Variants in DLG2 observed in about 807,000 individuals in gnomAD.
The protein encoded by DLG2 is disks large homolog 2.
DLG2 carries 45 observed loss-of-function variants against 132.5 expected under a neutral mutation model. The ratio of observed to expected loss-of-function variants is 0.34; its 90% CI spans 0.27 to 0.44. The LOEUF (loss-of-function observed/expected upper bound fraction) is 0.44, where lower values mean the gene tolerates loss of function less well. Among genes scored for constraint, DLG2 ranks in the 20% least tolerant of loss-of-function variants. The probability of loss-of-function intolerance (pLI) is 1.00; values close to 1 mark genes in which losing one functional copy is unlikely to be tolerated. For missense variants in DLG2, 1,045 were observed against 1,196.9 expected (o/e 0.87, Z 1.87); for synonymous variants, 424 against 419.6 (o/e 1.01, Z -0.13).
intron 19 of DLG2, among the ~76,000 whole-genome samples, chr11:83,546,309 T>C (rs1592898574): frequency 1.3e-5 from 2 of 152,176 alleles, no homozygotes; most frequent in African/African-American, 4.8e-5. Flanking sequence ...ATGGGTTATA[T>C]GCCAGGCTTC....
intron 7 of DLG2, among the ~76,000 whole-genome samples, chr11:84,527,893 T>TTCTCTC (rs60170305): frequency 0.052 from 6,573 of 125,590 alleles, 509 homozygotes; most frequent in East Asian, 0.086. Context: ...CTCCCTCCCT[T>TTCTCTC]TCTCTCTCTC....
At chr11:85,556,066 C>G (rs2076927990) in intron 3 of DLG2, among the ~76,000 whole-genome samples, 1 of 151,334 alleles carries the variant, frequency 6.6e-6, no homozygotes, top group Non-Finnish European at 1.5e-5. Context: ...CTTCACTGAG[C>G]ATGGAAGGGA....
chr11:83,677,703 C>T (rs571918155), intron 18 of DLG2, among the ~76,000 whole-genome samples: 19 of 152,246 alleles, frequency 1.2e-4, no homozygotes, highest in African/African-American at 4.6e-4. Context: ...CAAAATCCCC[C>T]AAACCTCAAA....
intron 17 of DLG2, among the ~76,000 whole-genome samples, chr11:83,820,731 C>T (rs1052013630): frequency 2.6e-5 from 4 of 152,200 alleles, no homozygotes; most frequent in Admixed American, 2.0e-4. Flanking sequence ...AAGTGAGCCC[C>T]GACATTTGAA....
chr11:84,934,972 T>C (rs1187182840), intron 6 of DLG2, among the ~76,000 whole-genome samples: 1 of 152,178 alleles, frequency 6.6e-6, no homozygotes, highest in Non-Finnish European at 1.5e-5. Context: ...GAATTCATTA[T>C]TGCCAAAACT....
At chr11:85,274,897 C>T (rs2077789492) in intron 4 of DLG2, among the ~76,000 whole-genome samples, 1 of 152,148 alleles carries the variant, frequency 6.6e-6, no homozygotes, top group African/African-American at 2.4e-5. Flanking sequence ...TAGGTTTCCC[C>T]TCTCAGTTTA....
intron 4 of DLG2, among the ~76,000 whole-genome samples, chr11:85,265,127 C>G (rs2077139731): frequency 6.6e-6 from 1 of 152,166 alleles, no homozygotes; most frequent in Admixed American, 6.5e-5. Flanking sequence ...TCTTAAGATG[C>G]CTTCTCTGAG....
chr11:84,350,500 A>T (rs11822426), intron 7 of DLG2, among the ~76,000 whole-genome samples: 1,744 of 152,254 alleles, frequency 0.011, 30 homozygotes, highest in African/African-American at 0.039. Flanking sequence ...CTGACCACAG[A>T]TGTTCCTTCA....
chr11:84,331,347 G>A (rs1418891436), intron 7 of DLG2, among the ~76,000 whole-genome samples: 1 of 151,308 alleles, frequency 6.6e-6, no homozygotes. Flanking sequence ...ATTGCTCAAG[G>A]TCATGCAGCT....
At chr11:85,233,015 T>G (rs2075383121) in intron 4 of DLG2, among the ~76,000 whole-genome samples, 1 of 151,952 alleles carries the variant, frequency 6.6e-6, no homozygotes, top group South Asian at 2.1e-4. Context: ...CCATGCGTTA[T>G]GTTTAATTCT....
At chr11:84,800,097 G>T (rs1009384468) in intron 6 of DLG2, among the ~76,000 whole-genome samples, 23 of 152,264 alleles carry the variant, frequency 1.5e-4, no homozygotes, top group African/African-American at 5.3e-4. Context: ...TTTACCCTAA[G>T]TTGAGTGGAG....
At chr11:85,261,982 AAAAAGTTCATCT>A (rs1477600249) in intron 4 of DLG2, among the ~76,000 whole-genome samples, 3 of 152,160 alleles carry the variant, frequency 2.0e-5, no homozygotes, top group Non-Finnish European at 2.9e-5. Context: ...GGGAGAGAGA[AAAAAGTTCATCT>A]AAAATGTCAG....
In DLG2 at chr11:83,484,044, G is replaced by A. The variant is rs150865246; in HGVS notation, c.2293+85C>T. On this transcript the variant is annotated intron_variant, in intron 22 of 27. Coordinates refer to ENST00000376104, the MANE Select transcript of DLG2 (RefSeq NM_001142699.3). ...TGTGTTGTTTGCCTAGGTGTGTGGCGTGGGAGAGCCTACATCCTGCGTGTT... is the reference window on the plus strand; with the variant it reads ...TGTGTTGTTTGCCTAGGTGTGTGGCATGGGAGAGCCTACATCCTGCGTGTT... 223 of 1,084,712 alleles carry A rather than the reference G, an allele frequency of 2.1e-4. 1 individual carries two copies. The highest frequency in any genetic ancestry group is 8.0e-4 in the Middle Eastern group (4 of 4,986). The allele number at this position is 1,084,712 out of a possible 1,614,324, so 67.2% of individuals were successfully genotyped here. A position where few individuals can be genotyped will look rare whatever the true frequency, so the allele number is the denominator to read the frequency against.
intron 6 of DLG2, among the ~76,000 whole-genome samples, chr11:84,617,318 C>T (rs2099606244): frequency 6.6e-6 from 1 of 152,094 alleles, no homozygotes; most frequent in African/African-American, 2.4e-5. Flanking sequence ...ATGAACTCAT[C>T]CTTTTATATG....
intron 3 of DLG2, among the ~76,000 whole-genome samples, chr11:85,395,661 G>A (rs1422067687): frequency 6.6e-6 from 1 of 152,202 alleles, no homozygotes; most frequent in Admixed American, 6.5e-5. Flanking sequence ...TGCTAGCACA[G>A]CAGTCTGAGA....
At chr11:83,569,866 A>C (rs985129946) in intron 19 of DLG2, among the ~76,000 whole-genome samples, 17 of 152,216 alleles carry the variant, frequency 1.1e-4, no homozygotes, top group Non-Finnish European at 2.5e-4. Context: ...CCCATCTGAA[A>C]AATTCTTCAA....
At chr11:84,513,238 T>G (rs530832143) in intron 7 of DLG2, among the ~76,000 whole-genome samples, 1 of 152,044 alleles carries the variant, frequency 6.6e-6, no homozygotes, top group South Asian at 2.1e-4. Flanking sequence ...GAACCAATAT[T>G]GTTAAAATGT....
intron 8 of DLG2, among the ~76,000 whole-genome samples, chr11:84,244,716 A>G (rs1159110854): frequency 6.6e-6 from 1 of 152,254 alleles, no homozygotes; most frequent in African/African-American, 2.4e-5. Flanking sequence ...CATTAACAAT[A>G]TAGTTTTAAC....
At chr11:84,347,163 A>C (rs1164788348) in intron 7 of DLG2, among the ~76,000 whole-genome samples, 1 of 152,176 alleles carries the variant, frequency 6.6e-6, no homozygotes, top group Non-Finnish European at 1.5e-5. Context: ...AGCTGTGCAC[A>C]GACAGAAGCT....
Sources: allele counts gnomAD v4.1 joint callset (sites outside exome capture counted in the v4.1 genomes callset), GRCh38; gene constraint gnomAD v4.1.1; transcripts MANE v1.5; gene names NCBI Gene and HGNC (gene_info 2026-07-23, HGNC 2026-07-21).